Variants in DPYSL5 observed in about 807,000 individuals in gnomAD.
DPYSL5 encodes the protein dihydropyrimidinase like 5.
Under a neutral mutation model 58.4 loss-of-function variants are expected in DPYSL5, and 9 were observed. The observed-to-expected ratio is 0.15, with a 90% confidence interval of 0.09 to 0.27. The LOEUF is 0.27. Among genes scored for constraint, DPYSL5 ranks in the 10% least tolerant of loss-of-function variants. DPYSL5 has a pLI of 1.00. For synonymous variants in DPYSL5, 293 were observed against 301.9 expected (o/e 0.97, Z 0.31); for missense variants, 499 against 770.6 (o/e 0.65, Z 4.17).
In DPYSL5 at chr2:26,898,376, AG is replaced by A. The variant is rs943948007; in HGVS notation, c.-4-119del. Reference sequence around the variant, plus strand: ...GTGACTCCCGCTGGCTGTAGGGGAAAGTTCCTCCTCTTCTCTGCTCACTTAC... The same window carrying A: ...GTGACTCCCGCTGGCTGTAGGGGAAATTCCTCCTCTTCTCTGCTCACTTAC... On this transcript the variant is annotated intron_variant, in intron 1 of 12. Transcript: ENST00000288699. The surrounding 1 kb of genome is among the most constrained non-coding windows in gnomAD (Gnocchi z 6.1). 11 of 1,401,964 alleles carry A rather than the reference AG, an allele frequency of 7.8e-6. No homozygotes were observed. The Admixed American group carries it at 2.4e-4, about 31-fold the overall frequency. 86.8% of individuals were successfully genotyped at this position (1,401,964 alleles called of 1,614,324 possible).
chr2:26,883,824 T>C (rs975584177), intron 1 of DPYSL5, among the ~76,000 whole-genome samples: 2 of 152,202 alleles, frequency 1.3e-5, no homozygotes, highest in Admixed American at 1.3e-4. Context: ...ATATTCTCAT[T>C]CAATTTCTAC....
chr2:26,860,902 G>T (rs917861062), intron 1 of DPYSL5, among the ~76,000 whole-genome samples: 2 of 152,176 alleles, frequency 1.3e-5, no homozygotes, highest in Admixed American at 6.5e-5. Flanking sequence ...CTTGTCTCTG[G>T]AGGGGTCAGG....
At chr2:26,932,208 A>AAAGAAAAGAAAGAAAGAAAG (rs1178078504) in intron 6 of DPYSL5, among the ~76,000 whole-genome samples, 1 of 70,170 alleles carries the variant, frequency 1.4e-5, no homozygotes, top group African/African-American at 5.7e-5. Context: ...AGAAAGAAAG[A>AAAGAAAAGAAAGAAAGAAAG]AAAGAAAGAA....
chr2:26,872,024 A>G (rs572617577), intron 1 of DPYSL5, among the ~76,000 whole-genome samples: 1 of 152,176 alleles, frequency 6.6e-6, no homozygotes, highest in Non-Finnish European at 1.5e-5. Flanking sequence ...CAGCTGAGAT[A>G]TTTTCCTTGA....
intron 1 of DPYSL5, among the ~76,000 whole-genome samples, chr2:26,857,352 C>T (rs1397615507): frequency 6.6e-6 from 1 of 152,026 alleles, no homozygotes. Context: ...GCCTGGCCAA[C>T]ATATAGCGAA....
chr2:26,918,906 A>G (rs1021289538), intron 2 of DPYSL5, among the ~76,000 whole-genome samples: 9 of 152,208 alleles, frequency 5.9e-5, no homozygotes, highest in African/African-American at 2.2e-4. Context: ...AGCAGAGCGC[A>G]AAGTTTGTGC....
At chr2:26,915,988 G>T (rs1664552758) in intron 2 of DPYSL5, among the ~76,000 whole-genome samples, 1 of 152,114 alleles carries the variant, frequency 6.6e-6, no homozygotes, top group Admixed American at 6.5e-5. Flanking sequence ...AGTGTTTGAT[G>T]ATGTTAATTA....
At chr2:26,941,657 T>G (rs1444244345) in intron 9 of DPYSL5, among the ~76,000 whole-genome samples, 1 of 152,228 alleles carries the variant, frequency 6.6e-6, no homozygotes, top group Non-Finnish European at 1.5e-5. Flanking sequence ...TGTGGGCACA[T>G]GAGCAGAGCT....
chr2:26,852,627 C>T (rs1665784769), intron 1 of DPYSL5, among the ~76,000 whole-genome samples: 2 of 152,148 alleles, frequency 1.3e-5, no homozygotes, highest in South Asian at 2.1e-4. Context: ...CCAGGCTCAG[C>T]GGTAGCGTGT....
intron 1 of DPYSL5, among the ~76,000 whole-genome samples, chr2:26,868,412 A>G (rs1663166931): frequency 6.7e-6 from 1 of 149,436 alleles, no homozygotes; most frequent in African/African-American, 2.5e-5. Flanking sequence ...GCGATCCCCT[A>G]CTCCTTGGTG....
chr2:26,898,618 G>T lies in DPYSL5; in HGVS notation c.119G>T (p.Arg40Leu). The stretch of plus-strand genomic sequence containing the variant: ...AATGGCATCATCCAGCAGGTGGGCC[G>T]CGAGCTCATGATCCCTGGCGGGGCC... ...IENGIIQQVGRELMIPGGAKV... is the reference protein window; with the variant it reads ...IENGIIQQVGLELMIPGGAKV... The change falls in exon 2 of 13, where the codon CGC becomes CTC. Residue 40 changes from arginine (R) to leucine (L), a missense_variant. Physicochemically the swap from Arg to Leu is moderately radical, Grantham distance 102. Coordinates refer to ENST00000288699, the MANE Select transcript of DPYSL5 (RefSeq NM_020134.4). This position sits in a 1 kb window ranked among gnomAD's most constrained non-coding sequence, Gnocchi z 6.1. The T allele has an allele frequency of 6.2e-7, 1 of 1,614,144 alleles. No individual in the cohort carries two copies. Among genetic ancestry groups the T allele is most frequent in the Non-Finnish European group, 8.5e-7 (1 of 1,180,020 alleles).
At position 26,944,540 on chromosome 2, in the gene DPYSL5, T is replaced by C. The variant is rs373882675; in HGVS notation, c.1441-116T>C. On this transcript the variant is annotated intron_variant, in intron 11 of 12. Transcript: ENST00000288699. This position sits in a 1 kb window ranked among gnomAD's most constrained non-coding sequence, Gnocchi z 4.4. The stretch of plus-strand genomic sequence containing the variant: ...CCTTGGTCACTTGCAGTGATTTGGG[T>C]CTTGGGCAGAGTGGCAGTGTCTAAT... 1 of 1,200,744 alleles carries C rather than the reference T, an allele frequency of 8.3e-7. No individual in the cohort carries two copies. The highest frequency in any genetic ancestry group is 1.2e-6 in the Non-Finnish European group (1 of 852,786). 74.4% of individuals were successfully genotyped at this position (1,200,744 alleles called of 1,614,324 possible).
intron 1 of DPYSL5, among the ~76,000 whole-genome samples, chr2:26,852,540 G>A (rs1558317371): frequency 6.6e-6 from 1 of 152,072 alleles, no homozygotes; most frequent in Non-Finnish European, 1.5e-5. Flanking sequence ...GATTGAACCC[G>A]AGCTTGCCAA....
chr2:26,914,620 A>C (rs952446735), intron 2 of DPYSL5, among the ~76,000 whole-genome samples: 1 of 152,190 alleles, frequency 6.6e-6, no homozygotes, highest in Non-Finnish European at 1.5e-5. Flanking sequence ...GAGGGGAAGC[A>C]GGGATTTCAC....
At chr2:26,891,271 T>C (rs1196206718) in intron 1 of DPYSL5, among the ~76,000 whole-genome samples, 1 of 152,178 alleles carries the variant, frequency 6.6e-6, no homozygotes, top group African/African-American at 2.4e-5. Flanking sequence ...CTAGTAATTA[T>C]TAGTTAGCAT....
At position 26,877,690 on chromosome 2, in the gene DPYSL5, G is replaced by C. The variant is rs1276881979; in HGVS notation, c.-4-20806G>C. 6.6e-6 allele frequency among the ~76,000 whole-genome samples: 1 copy of C among 152,164 alleles called. No homozygotes were observed. Among genetic ancestry groups the C allele is most frequent in the African/African-American group, 2.4e-5 (1 of 41,438 alleles). ...TAAAATTATATAGTACCAAGAGATT[G>C]AGTTCCACTGTAATTCTCCTGTGGG... On this transcript the variant is annotated intron_variant, in intron 1 of 12. Transcript: ENST00000288699. This position sits in a 1 kb window ranked among gnomAD's most constrained non-coding sequence, Gnocchi z 4.1.
Position 26,947,085 on chromosome 2 carries a change from C to T in DPYSL5, c.*90C>T. The T allele has an allele frequency of 8.5e-7, 1 of 1,176,938 alleles. No homozygotes were observed. Among genetic ancestry groups the T allele is most frequent in the Non-Finnish European group, 1.2e-6 (1 of 813,520 alleles). The allele number at this position is 1,176,938 out of a possible 1,614,324, so 72.9% of individuals were successfully genotyped here. A position where few individuals can be genotyped will look rare whatever the true frequency, so the allele number is the denominator to read the frequency against. ...AGCTGCAGGGGCAGGAGAGGCTGGG[C>T]TGGGTGGCACACCACCCGAGGGGGG... is the stretch of plus-strand genomic sequence containing the variant. On this transcript the variant is annotated 3_prime_UTR_variant, in exon 13 of 13. Coordinates refer to ENST00000288699, the MANE Select transcript of DPYSL5 (RefSeq NM_020134.4). This position sits in a 1 kb window ranked among gnomAD's most constrained non-coding sequence, Gnocchi z 4.2.
At position 26,924,621 on chromosome 2, in the gene DPYSL5, C is replaced by G. The variant is rs1371094054; in HGVS notation, c.262-266C>G. Among the ~76,000 whole-genome samples the G allele has an allele frequency of 1.3e-5, 2 of 152,158 alleles. No homozygotes were observed. Among genetic ancestry groups the G allele is most frequent in the Admixed American group, 1.3e-4 (2 of 15,274 alleles). ...GATAGGCCTTAGGTCGGGTGACCCA[C>G]GATGTGGTTTTTCCAGCGCGCCAAG... On this transcript the variant is annotated intron_variant, in intron 2 of 12. Coordinates refer to ENST00000288699, the MANE Select transcript of DPYSL5 (RefSeq NM_020134.4). This position sits in a 1 kb window ranked among gnomAD's most constrained non-coding sequence, Gnocchi z 4.7.
intron 2 of DPYSL5, among the ~76,000 whole-genome samples, chr2:26,900,176 A>G (rs763538668): frequency 2.6e-5 from 4 of 152,180 alleles, no homozygotes; most frequent in Non-Finnish European, 5.9e-5. Flanking sequence ...CTTTACCAGC[A>G]CCCAGAAGCT....
Sources: gnomAD v4.1 joint callset for allele counts (sites outside exome capture counted in the v4.1 genomes callset) on GRCh38, gnomAD v4.1.1 for gene constraint, Gnocchi (gnomAD v3.1) non-coding constraint, MANE v1.5 for transcripts, NCBI Gene and HGNC (gene_info 2026-07-23, HGNC 2026-07-21) for gene names.